The following MRC2 variants were observed in gnomAD, a reference collection of about 807,000 sequenced individuals.
The protein encoded by MRC2 is C-type mannose receptor 2.
A neutral mutation model predicts 206.2 loss-of-function variants in MRC2; 84 were observed. That is an observed-to-expected ratio of 0.41 (90% confidence interval 0.34 to 0.49). The LOEUF (loss-of-function observed/expected upper bound fraction) is 0.49. Ranked by LOEUF, MRC2 falls within the 20% of genes least tolerant of loss-of-function variation. MRC2 has a pLI of 0.31. For missense variants in MRC2, 1,676 were observed against 2,001.5 expected, an observed-to-expected ratio of 0.84 and a Z score of 3.10; for synonymous variants, 798 against 800.0, an observed-to-expected ratio of 1.00 and a Z score of 0.04.
chr17:62,680,896 A>C lies in MRC2; in HGVS notation c.2570A>C (p.Gln857Pro). The C allele has an allele frequency of 6.2e-7, 1 of 1,613,174 alleles. No individual in the cohort carries two copies. Among genetic ancestry groups the C allele is most frequent in the Non-Finnish European group, 8.5e-7 (1 of 1,179,936 alleles). The change falls in exon 17 of 30, where the codon CAG becomes CCG. Residue 857 changes from glutamine (Q) to proline (P), a missense_variant. Coordinates refer to ENST00000303375, the MANE Select transcript of MRC2 (RefSeq NM_006039.5). This position sits in a 1 kb window ranked among gnomAD's most constrained non-coding sequence, Gnocchi z 4.8. ...AQAQRICTWFQAELTSVHSQA... is the reference protein window; with the variant it reads ...AQAQRICTWFPAELTSVHSQA... ...GCGCAGCGCATCTGCACGTGGTTCC[A>C]GGCCGAGCTGACCTCGGTGCACAGC...
chr17:62,681,963 C>G, intron 19 of MRC2, 26 bp downstream of exon 19: 1 of 1,592,334 alleles, frequency 6.3e-7, no homozygotes, highest in Non-Finnish European at 8.6e-7. Context: ...GGGCAGAGTG[C>G]GCAGTCAGCT....
chr17:62,667,684 A>C lies in MRC2; in HGVS notation c.1117+151A>C. 1 of 882,048 alleles carries C rather than the reference A, an allele frequency of 1.1e-6. No homozygotes were observed. The highest frequency in any genetic ancestry group is 1.6e-6 in the Non-Finnish European group (1 of 620,062). 54.6% of individuals were successfully genotyped at this position (882,048 alleles called of 1,614,324 possible). On this transcript the variant is annotated intron_variant, in intron 6 of 29. Coordinates refer to ENST00000303375, the MANE Select transcript of MRC2 (RefSeq NM_006039.5). The surrounding 1 kb of genome is among the most constrained non-coding windows in gnomAD (Gnocchi z 4.1). ...TGACTCTTATTTCATTGTTCAGTTA[A>C]AGTCTGAGCAAATTGGAATATGTCA... is the stretch of plus-strand genomic sequence containing the variant.
At position 62,679,855 on chromosome 17, in the gene MRC2, C is replaced by T. The variant is rs757720662; in HGVS notation, c.2251C>T (p.Arg751Trp). Reference protein sequence around the residue: ...QHWFWIGLNRRDPRGGQSWRW... With the variant: ...QHWFWIGLNRWDPRGGQSWRW... Reference sequence around the variant, plus strand: ...CTGGTTCTGGATCGGCCTGAACCGTCGGGATCCCAGAGGGGGTCAGAGTTG... The same window carrying T: ...CTGGTTCTGGATCGGCCTGAACCGTTGGGATCCCAGAGGGGGTCAGAGTTG... The change falls in exon 14 of 30, where the codon CGG (arginine) becomes TGG (tryptophan). Residue 751 changes from arginine to tryptophan, a missense_variant. Physicochemically the swap from Arg to Trp is moderately radical, Grantham distance 101 (BLOSUM62 -3). Around this residue, in one of 3 missense-constraint regions of MRC2, gnomAD observed 1,354 missense variants for 1,636.6 expected, o/e 0.83. Transcript: ENST00000303375. 5 of 1,612,588 alleles carry T rather than the reference C, an allele frequency of 3.1e-6. No individual in the cohort carries two copies. Among genetic ancestry groups the T allele is most frequent in the South Asian group, 1.1e-5 (1 of 91,034 alleles).
chr17:62,679,990 TTTC>T, intron 14 of MRC2, 88 bp downstream of exon 14: 1 of 1,458,846 alleles, frequency 6.9e-7, no homozygotes, highest in South Asian at 1.3e-5. Context: ...GTGGGCGGGT[TTTC>T]TTGAGGGCCG....
At chr17:62,683,605 T>TGTAATCCC (rs1436969049) in intron 20 of MRC2, among the ~76,000 whole-genome samples, 3 of 148,814 alleles carry the variant, frequency 2.0e-5, no homozygotes, top group Non-Finnish European at 4.4e-5. Context: ...GGCTCACACC[T>TGTAATCCC]GTAATCCCAG....
At position 62,652,107 on chromosome 17, in the gene MRC2, G is replaced by A; in HGVS notation, c.119-12441G>A. Among the ~76,000 whole-genome samples the A allele has an allele frequency of 6.6e-6, 1 of 152,064 alleles. No individual in the cohort carries two copies. Among genetic ancestry groups the A allele is most frequent in the East Asian group, 1.9e-4 (1 of 5,190 alleles). ...GGGCACGTGTAATATTTCCGCTTTC[G>A]GTTACTCCCCACCCCACACACCTTG... On this transcript the variant is annotated intron_variant, in intron 1 of 29. Coordinates refer to ENST00000303375, the MANE Select transcript of MRC2 (RefSeq NM_006039.5). This position sits in a 1 kb window ranked among gnomAD's most constrained non-coding sequence, Gnocchi z 4.6.
intron 1 of MRC2, among the ~76,000 whole-genome samples, chr17:62,651,469 G>A (rs914234740): frequency 1.3e-5 from 2 of 152,236 alleles, no homozygotes; most frequent in African/African-American, 4.8e-5. Flanking sequence ...TCCTCAGTGG[G>A]CACTTGGCCA....
chr17:62,681,954 G>A lies in MRC2; in HGVS notation c.2803+17G>A. 6.2e-7 allele frequency: 1 copy of A among 1,607,080 alleles called. No homozygotes were observed. The highest frequency in any genetic ancestry group is 8.5e-7 in the Non-Finnish European group (1 of 1,175,142). Reference sequence around the variant, plus strand: ...CCAGCCGAGGTGAGGGCAAGGTGGGGGCAGAGTGCGCAGTCAGCTGTGCAA... The same window carrying A: ...CCAGCCGAGGTGAGGGCAAGGTGGGAGCAGAGTGCGCAGTCAGCTGTGCAA... On this transcript the variant is annotated intron_variant, in intron 19 of 29. Transcript: ENST00000303375.
rs773382365 is a variant in MRC2 at position 62,680,352 on chromosome 17, T to C, written c.2437+44T>C. 2 of 1,612,390 alleles carry C rather than the reference T, an allele frequency of 1.2e-6. No individual in the cohort carries two copies. The highest frequency in any genetic ancestry group is 1.7e-6 in the Non-Finnish European group (2 of 1,179,246). ...GGGGGACGCGGGATGGAGCGAAGGG[T>C]GGCGGGGCCAGGAATTCCAGGGAGG... On this transcript the variant is annotated intron_variant, in intron 15 of 29. Transcript: ENST00000303375. This position sits in a 1 kb window ranked among gnomAD's most constrained non-coding sequence, Gnocchi z 4.8.
In MRC2 at chr17:62,634,650, A is replaced by C. The variant is rs536702093; in HGVS notation, c.118+6730A>C. 4.0e-5 allele frequency among the ~76,000 whole-genome samples: 6 copies of C among 151,812 alleles called. No homozygotes were observed. In the South Asian group the frequency reaches 1.2e-3, roughly 32 times the overall value. Reference sequence around the variant, plus strand: ...TTTTGGTGGGATTTGGGTGGCTTCTATACTGCGTGCTGTTTTTTCAGCAAG... The same window carrying C: ...TTTTGGTGGGATTTGGGTGGCTTCTCTACTGCGTGCTGTTTTTTCAGCAAG... On this transcript the variant is annotated intron_variant, in intron 1 of 29. Coordinates refer to ENST00000303375, the MANE Select transcript of MRC2 (RefSeq NM_006039.5).
chr17:62,629,370 T>G (rs2084197941), intron 1 of MRC2, among the ~76,000 whole-genome samples: 1 of 152,182 alleles, frequency 6.6e-6, no homozygotes, highest in Admixed American at 6.5e-5. Context: ...TAGAGGGGGC[T>G]GGAAGTGCCT....
At chr17:62,677,040 G>T (rs979876997) in intron 11 of MRC2, among the ~76,000 whole-genome samples, 2 of 152,212 alleles carry the variant, frequency 1.3e-5, no homozygotes, top group African/African-American at 4.8e-5. Flanking sequence ...AAGCAGGCTC[G>T]GTGAGGTTAA....
intron 23 of MRC2, 106 bp from the exon 24 acceptor site, chr17:62,689,416 G>T: frequency 1.4e-6 from 1 of 736,392 alleles, no homozygotes; most frequent in Admixed American, 2.9e-5. Flanking sequence ...GCCGAGTCTG[G>T]TGGAGACCGG....
chr17:62,636,196 G>C (rs1337166614), intron 1 of MRC2, among the ~76,000 whole-genome samples: 3 of 151,082 alleles, frequency 2.0e-5, no homozygotes, highest in African/African-American at 7.3e-5. Context: ...GGAGGCTGCA[G>C]TGAGCTATGA....
Position 62,666,335 on chromosome 17 carries a change from C to T in MRC2, c.694+68C>T, listed in dbSNP as rs558176488. The T allele has an allele frequency of 1.7e-4, 259 of 1,558,752 alleles. No homozygotes were observed. The highest frequency in any genetic ancestry group is 5.6e-4 in the South Asian group (46 of 81,950). On this transcript the variant is annotated intron_variant, in intron 3 of 29. Transcript: ENST00000303375. The surrounding 1 kb of genome is among the most constrained non-coding windows in gnomAD (Gnocchi z 5.0). ...GAGGGAGGCTGGTGCTGAGGGGCCC[C>T]GGGGCCCAGGGTGAGATACTGCCCC...
rs756497190 is a variant in MRC2 at position 62,664,937 on chromosome 17, C to G, written c.508C>G (p.Leu170Val). Residue 170 changes from leucine (L) to valine (V), a missense_variant, in exon 2 of 30, where the codon CTG (leucine) becomes GTG (valine). By Grantham distance (32) the Leu-to-Val change is conservative. Around this residue, in one of 3 missense-constraint regions of MRC2, gnomAD observed 318 missense variants for 346.7 expected, o/e 0.92. Coordinates refer to ENST00000303375, the MANE Select transcript of MRC2 (RefSeq NM_006039.5). This position sits in a 1 kb window ranked among gnomAD's most constrained non-coding sequence, Gnocchi z 4.7. ...IYGSEEDLCA[L>V]PYHEVYTIQG... Reference sequence around the variant, plus strand: ...CGGCAGCGAGGAGGACCTATGTGCTCTGCCCTACCACGGTGAGGGGCCGCT... The same window carrying G: ...CGGCAGCGAGGAGGACCTATGTGCTGTGCCCTACCACGGTGAGGGGCCGCT... 1.2e-6 allele frequency: 2 copies of G among 1,607,662 alleles called. No homozygotes were observed. Among genetic ancestry groups the G allele is most frequent in the South Asian group, 2.2e-5 (2 of 90,838 alleles).
Position 62,671,955 on chromosome 17 carries a change from C to T in MRC2, c.1307-43C>T, listed in dbSNP as rs763934633. 6.2e-7 allele frequency: 1 copy of T among 1,613,544 alleles called. No homozygotes were observed. Among genetic ancestry groups the T allele is most frequent in the Non-Finnish European group, 8.5e-7 (1 of 1,179,622 alleles). On this transcript the variant is annotated intron_variant, in intron 7 of 29. Transcript: ENST00000303375. The surrounding 1 kb of genome is among the most constrained non-coding windows in gnomAD (Gnocchi z 4.5). ...CTCCCTACTGGTGGCTGAGGCTGACCTCTCAATGTTTTCTCTCCCCTCCTC... is the reference window on the plus strand; with the variant it reads ...CTCCCTACTGGTGGCTGAGGCTGACTTCTCAATGTTTTCTCTCCCCTCCTC...
intron 28 of MRC2, 129 bp downstream of exon 28, chr17:62,691,257 G>C: frequency 1.9e-6 from 2 of 1,067,132 alleles, no homozygotes; most frequent in South Asian, 1.8e-5. Context: ...AACGGACTGC[G>C]GGCAGCTGGG....
chr17:62,683,680 A>G (rs914390910), intron 20 of MRC2, among the ~76,000 whole-genome samples: 7 of 151,686 alleles, frequency 4.6e-5, no homozygotes, highest in Non-Finnish European at 8.8e-5. Flanking sequence ...TCTGGACAAC[A>G]TGGAGAGACC....
Sources: gnomAD v4.1 joint callset for allele counts (sites outside exome capture counted in the v4.1 genomes callset) on GRCh38, gnomAD v4.1.1 for gene constraint, gnomAD v4.1.1 regional missense constraint, Gnocchi (gnomAD v3.1) non-coding constraint, MANE v1.5 for transcripts, NCBI Gene and HGNC (gene_info 2026-07-23, HGNC 2026-07-21) for gene names.